NDFIP1: variants seen among roughly 807,000 people sequenced by gnomAD.
NDFIP1 encodes Nedd4 family interacting protein 1.
In NDFIP1, 7 loss-of-function variants were observed where a neutral mutation model predicts 28.8. That is an observed-to-expected ratio of 0.24 (90% CI 0.14 to 0.46). The LOEUF is 0.46. NDFIP1 is among the 20% of genes least tolerant of loss of function. The pLI is 0.99. For missense variants in NDFIP1, 194 were observed against 269.1 expected, an observed-to-expected ratio of 0.72 and a Z score of 1.95; for synonymous variants, 92 against 101.0, an observed-to-expected ratio of 0.91 and a Z score of 0.53.
intron 1 of NDFIP1, among the ~76,000 whole-genome samples, chr5:142,112,497 C>A (rs1331267498): frequency 6.7e-6 from 1 of 148,354 alleles, no homozygotes. Context: ...TGGGATCGCG[C>A]CACTGTACTC....
chr5:142,124,186 T>C (rs1757147735), intron 1 of NDFIP1, among the ~76,000 whole-genome samples: 1 of 152,106 alleles, frequency 6.6e-6, no homozygotes, highest in South Asian at 2.1e-4. Flanking sequence ...ACTAGAAATA[T>C]TTGGATGTCA....
At chr5:142,147,659 T>C (rs1320835078) in intron 7 of NDFIP1, among the ~76,000 whole-genome samples, 3 of 152,196 alleles carry the variant, frequency 2.0e-5, no homozygotes, top group Non-Finnish European at 2.9e-5. Flanking sequence ...GTTGTTGAGT[T>C]TTTGCCTAGC....
Position 142,137,326 on chromosome 5 carries a change from TTTTG to T in NDFIP1, c.371-388_371-385del, listed in dbSNP as rs780596231. Among the ~76,000 whole-genome samples the T allele has an allele frequency of 3.6e-4, 55 of 152,038 alleles. 1 individual carries two copies. The highest frequency in any genetic ancestry group is 2.7e-3 in the South Asian group (13 of 4,806). Reference sequence around the variant, plus strand: ...GCAGGTGTGCACCACTGTGCCCGGCTTTTGTTTGTTTGTTTGTTTGTTTTGTTTT... The same window carrying T: ...GCAGGTGTGCACCACTGTGCCCGGCTTTTGTTTGTTTGTTTGTTTTGTTTT... On this transcript the variant is annotated intron_variant, in intron 4 of 7. Coordinates refer to ENST00000253814, the MANE Select transcript of NDFIP1 (RefSeq NM_030571.4).
intron 1 of NDFIP1, among the ~76,000 whole-genome samples, chr5:142,118,594 C>T (rs537743555): frequency 1.3e-5 from 2 of 152,152 alleles, no homozygotes; most frequent in Admixed American, 6.5e-5. Flanking sequence ...TGTAAAGATA[C>T]GTTTTACCCC....
chr5:142,130,294 A>G (rs1489987206), intron 1 of NDFIP1, among the ~76,000 whole-genome samples: 3 of 152,210 alleles, frequency 2.0e-5, no homozygotes, highest in Non-Finnish European at 4.4e-5. Context: ...GCAACAGCAG[A>G]CACTTTCAGT....
intron 3 of NDFIP1, among the ~76,000 whole-genome samples, chr5:142,135,223 C>A (rs1205834550): frequency 2.0e-5 from 3 of 152,164 alleles, no homozygotes; most frequent in African/African-American, 7.2e-5. Flanking sequence ...CGTGATCTGC[C>A]TGCCTTGGCC....
At chr5:142,140,917 GT>G (rs1429041815) in intron 6 of NDFIP1, among the ~76,000 whole-genome samples, 1 of 152,052 alleles carries the variant, frequency 6.6e-6, no homozygotes, top group Non-Finnish European at 1.5e-5. Flanking sequence ...TAGTCTGTCA[GT>G]TTTTTTCCCC....
At chr5:142,128,128 C>G (rs958968766) in intron 1 of NDFIP1, among the ~76,000 whole-genome samples, 1 of 152,080 alleles carries the variant, frequency 6.6e-6, no homozygotes, top group African/African-American at 2.4e-5. Context: ...CAGATCTGTC[C>G]CAGTTTTCAG....
intron 7 of NDFIP1, among the ~76,000 whole-genome samples, chr5:142,145,374 G>T (rs1051660532): frequency 1.3e-5 from 2 of 152,138 alleles, no homozygotes; most frequent in Non-Finnish European, 2.9e-5. Context: ...GAAGGAAGAG[G>T]TAGAGAATCT....
At chr5:142,129,595 C>T (rs1386571518) in intron 1 of NDFIP1, among the ~76,000 whole-genome samples, 1 of 152,056 alleles carries the variant, frequency 6.6e-6, no homozygotes, top group Non-Finnish European at 1.5e-5. Context: ...TGGTTTTGAA[C>T]AGCATAGTGA....
At chr5:142,132,460 T>A in intron 3 of NDFIP1, 118 bp downstream of exon 3, 1 of 1,275,528 alleles carries the variant, frequency 7.8e-7, no homozygotes, top group Non-Finnish European at 1.1e-6. Flanking sequence ...GAGCTAATTT[T>A]AAAAATCAGG....
At chr5:142,109,820 C>T (rs1206760205) in intron 1 of NDFIP1, among the ~76,000 whole-genome samples, 1 of 152,188 alleles carries the variant, frequency 6.6e-6, no homozygotes, top group Non-Finnish European at 1.5e-5. Context: ...CACTCCGCGT[C>T]TGTAGCTAAG....
At chr5:142,109,333 C>T (rs1756987389) in intron 1 of NDFIP1, among the ~76,000 whole-genome samples, 1 of 152,196 alleles carries the variant, frequency 6.6e-6, no homozygotes. Context: ...GACCCACAGG[C>T]GGCATCGATC....
intron 1 of NDFIP1, among the ~76,000 whole-genome samples, chr5:142,117,815 A>T (rs992235131): frequency 2.6e-4 from 37 of 141,484 alleles, no homozygotes; most frequent in African/African-American, 8.6e-4. Flanking sequence ...GCAACCCTCC[A>T]TCTTCAGGCT....
At chr5:142,131,169 G>T (rs1216426365) in intron 1 of NDFIP1, among the ~76,000 whole-genome samples, 2 of 152,004 alleles carry the variant, frequency 1.3e-5, no homozygotes, top group African/African-American at 4.8e-5. Flanking sequence ...ATGTTGCCCA[G>T]GCTAGTCTTG....
At chr5:142,117,262 T>TTTA (rs1757078055) in intron 1 of NDFIP1, among the ~76,000 whole-genome samples, 1 of 128,868 alleles carries the variant, frequency 7.8e-6, no homozygotes, top group African/African-American at 3.0e-5. Flanking sequence ...TTTTTTTTTT[T>TTTA]GAGACGGAGT....
chr5:142,131,482 C>G (rs903823199), intron 1 of NDFIP1, among the ~76,000 whole-genome samples: 1 of 152,114 alleles, frequency 6.6e-6, no homozygotes, highest in African/African-American at 2.4e-5. Context: ...GCCATGTTGG[C>G]CAGGATGGCA....
chr5:142,122,384 A>G (rs1757130252), intron 1 of NDFIP1, among the ~76,000 whole-genome samples: 2 of 152,236 alleles, frequency 1.3e-5, no homozygotes, highest in Admixed American at 6.5e-5. Context: ...ATGTGAAAAT[A>G]CCACAATTTA....
chr5:142,150,158 G>T, intron 7 of NDFIP1, among the ~76,000 whole-genome samples: 1 of 143,658 alleles, frequency 7.0e-6, no homozygotes. Context: ...TCCAGCCTGG[G>T]TGATAGAGCG....
Sources: gnomAD v4.1 joint callset for allele counts (sites outside exome capture counted in the v4.1 genomes callset) on GRCh38, gnomAD v4.1.1 for gene constraint, MANE v1.5 for transcripts, NCBI Gene and HGNC (gene_info 2026-07-23, HGNC 2026-07-21) for gene names.